PLEKHA6: variants seen among roughly 807,000 people sequenced by gnomAD.
PLEKHA6 encodes the protein pleckstrin homology domain containing A6.
Under a neutral mutation model 116.7 loss-of-function variants are expected in PLEKHA6, and 60 were observed. That is an observed-to-expected ratio of 0.51 (90% CI 0.42 to 0.64). The LOEUF is 0.64. Among genes scored for constraint, PLEKHA6 ranks in the 30% least tolerant of loss-of-function variants. PLEKHA6 has a pLI of 0.00. For synonymous variants in PLEKHA6, 489 were observed against 556.1 expected (o/e 0.88, Z 1.70); for missense variants, 1,338 against 1,422.7 (o/e 0.94, Z 0.96).
At chr1:204,244,833 C>T (rs746786377) in intron 15 of PLEKHA6, 31 bp downstream of exon 15, 11 of 1,510,708 alleles carry the variant, frequency 7.3e-6, no homozygotes, top group African/African-American at 2.8e-5. Context: ...CTCCCTCCCC[C>T]ACCTACCTTC....
chr1:204,259,755 G>A lies in PLEKHA6; in HGVS notation c.525-15C>T. 1 of 1,596,642 alleles carries A rather than the reference G, an allele frequency of 6.3e-7. No individual in the cohort carries two copies. The highest frequency in any genetic ancestry group is 8.5e-7 in the Non-Finnish European group (1 of 1,170,714). On this transcript the variant is annotated splice_polypyrimidine_tract_variant and intron_variant, in intron 7 of 22. Transcript: ENST00000272203. This position sits in a 1 kb window ranked among gnomAD's most constrained non-coding sequence, Gnocchi z 4.6. The stretch of plus-strand genomic sequence containing the variant: ...GCTTCTCATGGCTGCAGGATGCCAA[G>A]GGAGATGCTGTCAGTGACTCTAGCC...
intron 15 of PLEKHA6, 132 bp from the exon 16 acceptor site, chr1:204,241,946 G>A (rs1662885763): frequency 1.0e-6 from 1 of 997,036 alleles, no homozygotes; most frequent in South Asian, 1.4e-5. Context: ...GAAATTCTAT[G>A]TGTGCCGCCT....
Position 204,245,701 on chromosome 1 carries a change from T to C in PLEKHA6, c.1946A>G (p.Gln649Arg), listed in dbSNP as rs762369729. The C allele has an allele frequency of 1.9e-6, 3 of 1,613,474 alleles. No homozygotes were observed. The highest frequency in any genetic ancestry group is 1.7e-5 in the Admixed American group (1 of 60,006). The stretch of plus-strand genomic sequence containing the variant: ...GTCCTGGATCCTCCAGATCTCCTTT[T>C]GGATTTGCCGGTTCAGCACCTCATT... The part of the protein sequence containing the change: ...TQNEVLNRQI[Q>R]KEIWRIQDVM... Residue 649 changes from glutamine (Q) to arginine (R), a missense_variant, in exon 14 of 23, where the codon CAA becomes CGA. Gln to Arg is a conservative substitution (Grantham distance 43). This residue lies in a region of PLEKHA6 where 1,136 missense variants were observed against 1,163.6 expected (regional missense o/e 0.98). Transcript: ENST00000272203.
At chr1:204,243,603 C>T (rs1014519465) in intron 15 of PLEKHA6, among the ~76,000 whole-genome samples, 24 of 152,254 alleles carry the variant, frequency 1.6e-4, no homozygotes, top group Admixed American at 5.9e-4. Flanking sequence ...GAATGCCTTT[C>T]CCTTGTTCCT....
chr1:204,364,172 A>G (rs952505851), upstream of PLEKHA6, among the ~76,000 whole-genome samples: 1 of 152,230 alleles, frequency 6.6e-6, no homozygotes, highest in African/African-American at 2.4e-5. Flanking sequence ...TATTACTTGG[A>G]ATCCATGTCT....
At chr1:204,242,762 G>A (rs1333973034) in intron 15 of PLEKHA6, among the ~76,000 whole-genome samples, 3 of 152,190 alleles carry the variant, frequency 2.0e-5, no homozygotes, top group Non-Finnish European at 1.5e-5. Flanking sequence ...CGAAGGGATC[G>A]GAATGGCACT....
In PLEKHA6 at chr1:204,331,428, C is replaced by G. The variant is rs951477153; in HGVS notation, c.-95+28266G>C. On this transcript the variant is annotated intron_variant, in intron 1 of 22. Coordinates refer to ENST00000272203, the MANE Select transcript of PLEKHA6 (RefSeq NM_014935.5). ...CCAGCGACCCATGCTACAGCCAACC[C>G]CACCTTGGGCAAACAGCTGGCACCT... Among the ~76,000 whole-genome samples, 3 of 152,120 alleles carry G rather than the reference C, an allele frequency of 2.0e-5. No individual in the cohort carries two copies. In the East Asian group the frequency reaches 5.8e-4, roughly 29 times the overall value.
At chr1:204,346,965 G>A (rs1033479467) in intron 1 of PLEKHA6, 9 of 1,221,834 alleles carry the variant, frequency 7.4e-6, no homozygotes, top group African/African-American at 3.0e-5. Context: ...GGCTCTTAGA[G>A]TGCTTAATGT....
At chr1:204,323,632 T>C (rs1672141951) in intron 1 of PLEKHA6, among the ~76,000 whole-genome samples, 1 of 152,240 alleles carries the variant, frequency 6.6e-6, no homozygotes, top group African/African-American at 2.4e-5. Context: ...AACAAGGTTG[T>C]ACTTGTATTC....
chr1:204,297,931 C>T, intron 1 of PLEKHA6: 1 of 981,792 alleles, frequency 1.0e-6, no homozygotes, highest in East Asian at 1.1e-4. Flanking sequence ...CCTTTGCTGT[C>T]CTCCCCCTAC....
chr1:204,248,243 C>A (rs1455462739), intron 12 of PLEKHA6, among the ~76,000 whole-genome samples: 1 of 150,088 alleles, frequency 6.7e-6, no homozygotes, highest in Non-Finnish European at 1.5e-5. Context: ...ACGGCAACCT[C>A]CGCCTCATGG....
chr1:204,338,568 G>A (rs1461487646), intron 1 of PLEKHA6, among the ~76,000 whole-genome samples: 1 of 152,156 alleles, frequency 6.6e-6, no homozygotes, highest in Non-Finnish European at 1.5e-5. Context: ...TTAACAAGAA[G>A]AACATGACAG....
intron 3 of PLEKHA6, among the ~76,000 whole-genome samples, chr1:204,366,559 G>A (rs1037841387): frequency 1.3e-5 from 2 of 152,150 alleles, no homozygotes; most frequent in African/African-American, 4.8e-5. Context: ...CCAGGTGTTC[G>A]AGACCAGCCT....
chr1:204,368,276 C>T (rs138896631), intron 2 of PLEKHA6, among the ~76,000 whole-genome samples: 15 of 152,256 alleles, frequency 9.9e-5, no homozygotes, highest in Middle Eastern at 3.4e-3. Context: ...AGGTCACTTG[C>T]CCCAGGAACT....
chr1:204,352,669 C>T (rs953480686), intron 1 of PLEKHA6, among the ~76,000 whole-genome samples: 3 of 152,190 alleles, frequency 2.0e-5, no homozygotes, highest in Non-Finnish European at 2.9e-5. Flanking sequence ...TCATCTGCTC[C>T]CTTACAAGAG....
chr1:204,327,022 A>G, intron 1 of PLEKHA6: 1 of 985,218 alleles, frequency 1.0e-6, no homozygotes. Flanking sequence ...CAAAGCAGCT[A>G]CTTGGGTTTC....
chr1:204,314,612 A>G (rs537036709), intron 1 of PLEKHA6, among the ~76,000 whole-genome samples: 162 of 152,192 alleles, frequency 1.1e-3, no homozygotes, highest in Non-Finnish European at 1.2e-3. Context: ...CAGGTGTCAG[A>G]TGAGTATCCC....
At position 204,255,693 on chromosome 1, in the gene PLEKHA6, G is replaced by A. The variant is rs761546330; in HGVS notation, c.1524+1660C>T. ...TAAAAGTTCATCCTACCCGGAGCCCGAGGCCCAGAGGCCAAACAGCAACAC... is the reference window on the plus strand; with the variant it reads ...TAAAAGTTCATCCTACCCGGAGCCCAAGGCCCAGAGGCCAAACAGCAACAC... On this transcript the variant is annotated intron_variant, in intron 9 of 22. Coordinates refer to ENST00000272203, the MANE Select transcript of PLEKHA6 (RefSeq NM_014935.5). 1.6e-4 allele frequency: 110 copies of A among 702,822 alleles called. 1 individual carries two copies. The highest frequency in any genetic ancestry group is 1.1e-3 in the Middle Eastern group (5 of 4,368). 43.5% of individuals were successfully genotyped at this position (702,822 alleles called of 1,614,324 possible).
intron 9 of PLEKHA6, among the ~76,000 whole-genome samples, chr1:204,255,207 C>G (rs775706619): frequency 5.9e-5 from 9 of 152,234 alleles, no homozygotes; most frequent in Admixed American, 1.3e-4. Flanking sequence ...TTAACAACAA[C>G]CTGTAAAATA....
Sources: allele counts gnomAD v4.1 joint callset (sites outside exome capture counted in the v4.1 genomes callset), GRCh38; gene constraint gnomAD v4.1.1; regional missense constraint gnomAD v4.1.1; non-coding constraint Gnocchi (gnomAD v3.1); transcripts MANE v1.5; gene names NCBI Gene and HGNC (gene_info 2026-07-23, HGNC 2026-07-21).